The following HORMAD2 variants were observed in gnomAD, a reference collection of about 807,000 sequenced individuals.
The protein encoded by HORMAD2 is HORMA domain containing 2, also known as HORMA domain-containing protein 2.
HORMAD2 carries 45 observed loss-of-function variants against 38.8 expected under a neutral mutation model. That is an observed-to-expected ratio of 1.16 (90% CI 0.91 to 1.49). HORMAD2 has a LOEUF of 1.49. Among genes scored for constraint, HORMAD2 ranks in the 40% most tolerant of loss-of-function variants. HORMAD2 has a pLI of 0.00. For missense variants in HORMAD2, 338 were observed against 367.0 expected, an observed-to-expected ratio of 0.92 and a Z score of 0.65; for synonymous variants, 126 against 122.8, an observed-to-expected ratio of 1.03 and a Z score of -0.17.
rs1470367194 is a variant in HORMAD2 at position 30,122,207 on chromosome 22, A to G, written c.812A>G (p.Asn271Ser). The change falls in exon 10 of 11, where the codon AAT (asparagine) becomes AGT (serine). Residue 271 changes from asparagine (N) to serine (S), a missense_variant. By Grantham distance (46) the Asn-to-Ser change is conservative. Coordinates refer to ENST00000336726, the MANE Select transcript of HORMAD2 (RefSeq NM_152510.4). ...GLDCDEEEEC[N>S]DHIQRMNFVC... ...GACTGTGATGAGGAAGAAGAATGCAATGACCATGTAAGGCAAAGCTTTAGA... is the reference window on the plus strand; with the variant it reads ...GACTGTGATGAGGAAGAAGAATGCAGTGACCATGTAAGGCAAAGCTTTAGA... 1 of 1,610,126 alleles carries G rather than the reference A, an allele frequency of 6.2e-7. No homozygotes were observed. The highest frequency in any genetic ancestry group is 2.2e-5 in the East Asian group (1 of 44,832).
At chr22:30,087,981 A>C (rs1034066603) in intron 1 of HORMAD2, among the ~76,000 whole-genome samples, 29 of 151,766 alleles carry the variant, frequency 1.9e-4, no homozygotes, top group African/African-American at 6.8e-4. Context: ...CTCTCTATAT[A>C]TATACATATA....
chr22:30,158,840 G>A (rs967105352), intron 10 of HORMAD2, among the ~76,000 whole-genome samples: 2 of 151,520 alleles, frequency 1.3e-5, no homozygotes, highest in South Asian at 2.1e-4. Context: ...GCACGCCACC[G>A]CTCTTGGCTG....
chr22:30,151,573 G>A (rs1486120084), intron 10 of HORMAD2, among the ~76,000 whole-genome samples: 1 of 152,018 alleles, frequency 6.6e-6, no homozygotes. Flanking sequence ...AAGTATAAAT[G>A]GCCTCAGTAA....
At chr22:30,134,842 T>A (rs1923550701) in intron 10 of HORMAD2, among the ~76,000 whole-genome samples, 1 of 152,140 alleles carries the variant, frequency 6.6e-6, no homozygotes, top group Non-Finnish European at 1.5e-5. Context: ...AATCCCTGAT[T>A]CAAAATTGAT....
At chr22:30,200,437 G>A in the HORMAD2 span, among the ~76,000 whole-genome samples, 10 of 152,008 alleles carry the variant, frequency 6.6e-5, no homozygotes, top group African/African-American at 1.2e-4. Context: ...TGTGATTTAC[G>A]GCTTTGGGTG....
chr22:30,133,702 T>G (rs1207061124), intron 10 of HORMAD2, among the ~76,000 whole-genome samples: 2 of 151,886 alleles, frequency 1.3e-5, no homozygotes, highest in Non-Finnish European at 2.9e-5. Flanking sequence ...TTTTTTCTTG[T>G]CCCCCATGGT....
At chr22:30,128,782 C>T (rs1601550317) in intron 10 of HORMAD2, among the ~76,000 whole-genome samples, 1 of 152,090 alleles carries the variant, frequency 6.6e-6, no homozygotes, top group Admixed American at 6.6e-5. Flanking sequence ...CAGATATACA[C>T]GTGTGTTCAA....
chr22:30,102,079 T>A (rs1920950813), intron 3 of HORMAD2, among the ~76,000 whole-genome samples: 1 of 151,746 alleles, frequency 6.6e-6, no homozygotes, highest in Admixed American at 6.6e-5. Context: ...AAAAAAAAAA[T>A]TATCTTAAGT....
chr22:30,206,700 T>G, the HORMAD2 span, among the ~76,000 whole-genome samples: 1 of 151,804 alleles, frequency 6.6e-6, no homozygotes, highest in Non-Finnish European at 1.5e-5. Context: ...CAGGCTGGTC[T>G]CAAACTCCTG....
At chr22:30,111,703 C>G (rs1396122951) in intron 5 of HORMAD2, 93 bp from the exon 6 acceptor site, 13 of 1,068,506 alleles carry the variant, frequency 1.2e-5, no homozygotes, top group African/African-American at 1.6e-5. Context: ...TTTCGAACCT[C>G]TCTGAAATAA....
intron 10 of HORMAD2, among the ~76,000 whole-genome samples, chr22:30,168,143 C>T (rs1312950238): frequency 6.6e-6 from 1 of 152,118 alleles, no homozygotes; most frequent in Admixed American, 6.5e-5. Flanking sequence ...CTGCTTTTCC[C>T]ATTGTCCAAA....
At chr22:30,197,876 A>G in the HORMAD2 span, among the ~76,000 whole-genome samples, 1 of 152,136 alleles carries the variant, frequency 6.6e-6, no homozygotes, top group Non-Finnish European at 1.5e-5. Context: ...TTCATCAACA[A>G]TGATGAAGAG....
At chr22:30,121,599 A>T in intron 8 of HORMAD2, 33 bp from the exon 9 acceptor site, 2 of 1,524,170 alleles carry the variant, frequency 1.3e-6, no homozygotes, top group Non-Finnish European at 1.8e-6. Flanking sequence ...ACTATTGTAT[A>T]TGATCAAAAA....
chr22:30,116,222 G>A (rs2146118424), intron 7 of HORMAD2, among the ~76,000 whole-genome samples: 1 of 152,234 alleles, frequency 6.6e-6, no homozygotes, highest in South Asian at 2.1e-4. Flanking sequence ...TGAGTGCAAG[G>A]GAAAGTGGCC....
intron 7 of HORMAD2, among the ~76,000 whole-genome samples, chr22:30,113,375 C>T (rs1002045265): frequency 1.3e-5 from 2 of 151,548 alleles, no homozygotes; most frequent in South Asian, 2.1e-4. Flanking sequence ...CCACCATGGC[C>T]GGCTAATTTT....
chr22:30,193,106 A>T, the HORMAD2 span, among the ~76,000 whole-genome samples: 7 of 152,364 alleles, frequency 4.6e-5, no homozygotes, highest in South Asian at 1.4e-3. Context: ...ATAAATGCAA[A>T]ATACTGTATC....
chr22:30,163,768 G>A (rs1404104531), intron 10 of HORMAD2, among the ~76,000 whole-genome samples: 2 of 151,978 alleles, frequency 1.3e-5, no homozygotes, highest in Admixed American at 6.6e-5. Context: ...TTATTTTTGT[G>A]TTGGTTTGTT....
intron 10 of HORMAD2, among the ~76,000 whole-genome samples, chr22:30,134,427 ACT>A (rs1923513248): frequency 6.8e-6 from 1 of 147,568 alleles, no homozygotes; most frequent in Admixed American, 6.8e-5. Context: ...TTATGATTAT[ACT>A]TAAAGTATAA....
intron 10 of HORMAD2, among the ~76,000 whole-genome samples, chr22:30,127,412 T>C (rs1922958212): frequency 6.6e-6 from 1 of 152,082 alleles, no homozygotes. Context: ...TTTCATAATG[T>C]TGGTCAGGCT....
Sources: gnomAD v4.1 joint callset for allele counts (sites outside exome capture counted in the v4.1 genomes callset) on GRCh38, gnomAD v4.1.1 for gene constraint, MANE v1.5 for transcripts, NCBI Gene and HGNC (gene_info 2026-07-23, HGNC 2026-07-21) for gene names.